METTL2B: variants seen among roughly 807,000 people sequenced by gnomAD.
The protein encoded by METTL2B is tRNA N(3)-cytidine methyltransferase METTL2B.
METTL2B carries 28 observed loss-of-function variants against 51.0 expected under a neutral mutation model. That is an observed-to-expected ratio of 0.55 (90% CI 0.41 to 0.75). The LOEUF (loss-of-function observed/expected upper bound fraction) is 0.75, where lower values mean the gene tolerates loss of function less well. Ranked by LOEUF, METTL2B falls within the 30% of genes least tolerant of loss-of-function variation. The pLI is 0.00. For synonymous variants in METTL2B, 128 were observed against 166.3 expected, an observed-to-expected ratio of 0.77 and a Z score of 1.77; for missense variants, 313 against 460.7, an observed-to-expected ratio of 0.68 and a Z score of 2.93.
intron 5 of METTL2B, among the ~76,000 whole-genome samples, 165 bp from the exon 6 acceptor site, chr7:128,493,639 C>T (rs1263335325): frequency 6.6e-6 from 1 of 152,100 alleles, no homozygotes; most frequent in Admixed American, 6.6e-5. Context: ...TTGAGGCCAG[C>T]CTGGGCAACA....
chr7:128,495,499 G>A (rs1477059212), intron 6 of METTL2B, among the ~76,000 whole-genome samples: 1 of 151,932 alleles, frequency 6.6e-6, no homozygotes, highest in Non-Finnish European at 1.5e-5. Flanking sequence ...TGCCCAGGCT[G>A]GAGTGCAGTG....
intron 4 of METTL2B, among the ~76,000 whole-genome samples, chr7:128,487,218 C>CAG (rs1792735290): frequency 6.6e-6 from 1 of 152,156 alleles, no homozygotes; most frequent in South Asian, 2.1e-4. Context: ...CAAAGGTCAA[C>CAG]AGTTCAGCAG....
intron 5 of METTL2B, among the ~76,000 whole-genome samples, chr7:128,493,087 G>A (rs566584299): frequency 1.8e-4 from 28 of 152,126 alleles, no homozygotes; most frequent in Middle Eastern, 3.4e-3. Flanking sequence ...TATTTTAAAC[G>A]CAACTATTAG....
chr7:128,499,364 T>G (rs867594692), intron 7 of METTL2B, among the ~76,000 whole-genome samples: 1 of 152,334 alleles, frequency 6.6e-6, no homozygotes, highest in African/African-American at 2.4e-5. Context: ...ACAGCCTTTT[T>G]TTTTTCAGAT....
At chr7:128,494,302 C>T (rs2116861072) in intron 6 of METTL2B, among the ~76,000 whole-genome samples, 1 of 152,226 alleles carries the variant, frequency 6.6e-6, no homozygotes, top group Non-Finnish European at 1.5e-5. Context: ...TGGCAAGAGA[C>T]CTTGATATTA....
intron 6 of METTL2B, among the ~76,000 whole-genome samples, chr7:128,494,849 ACTC>A (rs1792895493): frequency 6.7e-6 from 1 of 149,732 alleles, no homozygotes; most frequent in African/African-American, 2.5e-5. Flanking sequence ...GCTGGTCTTA[ACTC>A]CTCACCTTGT....
At chr7:128,497,554 C>G (rs1236469643) in intron 6 of METTL2B, among the ~76,000 whole-genome samples, 1 of 152,216 alleles carries the variant, frequency 6.6e-6, no homozygotes, top group African/African-American at 2.4e-5. Context: ...GCAATCTTGG[C>G]TCACTGCAAC....
intron 6 of METTL2B, among the ~76,000 whole-genome samples, chr7:128,494,949 C>G (rs1196793429): frequency 2.0e-5 from 3 of 150,410 alleles, no homozygotes; most frequent in Admixed American, 1.3e-4. Context: ...GAGTCTTGCT[C>G]TGTTGCCCCG....
At position 128,501,085 on chromosome 7, in the gene METTL2B, G is replaced by A. The variant is rs1256279952; in HGVS notation, c.982+117G>A. The A allele has an allele frequency of 1.9e-6, 3 of 1,548,904 alleles. No homozygotes were observed. In the African/African-American group the frequency reaches 4.1e-5, roughly 21 times the overall value. On this transcript the variant is annotated intron_variant, in intron 8 of 8. Transcript: ENST00000262432. The stretch of plus-strand genomic sequence containing the variant: ...CCTTTTAGGCAGGCTGTTTCCTTCG[G>A]TTCCCCGCTGCTCACACCCTCTTCC...
chr7:128,500,822 C>A, intron 7 of METTL2B, 81 bp from the exon 8 acceptor site: 4 of 1,536,680 alleles, frequency 2.6e-6, no homozygotes, highest in Non-Finnish European at 2.7e-6. Flanking sequence ...AACAAACTGG[C>A]CTCTCAGTTA....
chr7:128,497,107 T>C (rs1459198673), intron 6 of METTL2B, among the ~76,000 whole-genome samples: 1 of 152,008 alleles, frequency 6.6e-6, no homozygotes, highest in Non-Finnish European at 1.5e-5. Context: ...GACTTTGAAA[T>C]TTTTTTTGGT....
chr7:128,498,351 G>A (rs1792963968), intron 7 of METTL2B, among the ~76,000 whole-genome samples: 1 of 150,184 alleles, frequency 6.7e-6, no homozygotes, highest in African/African-American at 2.4e-5. Context: ...TGGAGGTGGG[G>A]GGGCTGGGAG....
At chr7:128,485,821 TAAAAC>T (rs1792693691) in intron 4 of METTL2B, among the ~76,000 whole-genome samples, 1 of 152,082 alleles carries the variant, frequency 6.6e-6, no homozygotes, top group African/African-American at 2.4e-5. Context: ...CAAAAATCAA[TAAAAC>T]AACAATTTTT....
chr7:128,491,316 C>A (rs575185019), intron 5 of METTL2B, among the ~76,000 whole-genome samples: 41 of 151,290 alleles, frequency 2.7e-4, no homozygotes, highest in Non-Finnish European at 4.9e-4. Flanking sequence ...AAAAACTAGG[C>A]CGGGTGCAGT....
chr7:128,499,329 A>G (rs1792983354), intron 7 of METTL2B, among the ~76,000 whole-genome samples: 1 of 152,186 alleles, frequency 6.6e-6, no homozygotes, highest in South Asian at 2.1e-4. Context: ...GCATTCCTTC[A>G]TTACTGGTAG....
intron 6 of METTL2B, among the ~76,000 whole-genome samples, chr7:128,494,319 G>A (rs1047557692): frequency 6.6e-6 from 1 of 152,126 alleles, no homozygotes; most frequent in African/African-American, 2.4e-5. Context: ...ATTAGAGTTG[G>A]GCTCGAAGTA....
At chr7:128,477,229 C>T (rs764824259) in intron 2 of METTL2B, 56 bp downstream of exon 2, 34 of 1,607,732 alleles carry the variant, frequency 2.1e-5, no homozygotes, top group Non-Finnish European at 2.9e-5. Flanking sequence ...CCGAACGCGC[C>T]CTCCCGGAGA....
intron 7 of METTL2B, among the ~76,000 whole-genome samples, chr7:128,499,252 AAC>A (rs951062189): frequency 6.6e-6 from 1 of 152,346 alleles, no homozygotes; most frequent in African/African-American, 2.4e-5. Context: ...GCCAGTAAAC[AAC>A]ACTTCAAGGA....
At chr7:128,480,545 A>G (rs1424830872) in intron 3 of METTL2B, 102 bp from the exon 4 acceptor site, 21 of 1,570,112 alleles carry the variant, frequency 1.3e-5, no homozygotes, top group Non-Finnish European at 1.7e-5. Flanking sequence ...TCCCTAATAC[A>G]GTTAGGCCAG....
Sources: gnomAD v4.1 joint callset for allele counts (sites outside exome capture counted in the v4.1 genomes callset) on GRCh38, gnomAD v4.1.1 for gene constraint, MANE v1.5 for transcripts, NCBI Gene and HGNC (gene_info 2026-07-23, HGNC 2026-07-21) for gene names.